The following FBXL7 variants were observed in gnomAD, a reference collection of about 807,000 sequenced individuals.
The protein encoded by FBXL7 is F-box/LRR-repeat protein 7.
FBXL7 carries 12 observed loss-of-function variants against 38.3 expected under a neutral mutation model. The observed-to-expected ratio is 0.31, with a 90% CI of 0.20 to 0.51. The LOEUF is 0.51. Among genes scored for constraint, FBXL7 ranks in the 20% least tolerant of loss-of-function variants. The pLI is 0.98. For missense variants in FBXL7, 567 were observed against 676.4 expected (o/e 0.84, Z 1.79); for synonymous variants, 297 against 300.9 (o/e 0.99, Z 0.13).
intron 2 of FBXL7, among the ~76,000 whole-genome samples, chr5:15,630,936 G>A (rs1003938480): frequency 1.6e-4 from 24 of 151,970 alleles, no homozygotes; most frequent in African/African-American, 5.5e-4. Flanking sequence ...CCTACCTCCT[G>A]TGTTTTTTGT....
chr5:15,853,024 C>A (rs1449397879), intron 2 of FBXL7, among the ~76,000 whole-genome samples: 1 of 152,190 alleles, frequency 6.6e-6, no homozygotes, highest in Non-Finnish European at 1.5e-5. Flanking sequence ...TTATTTAATC[C>A]TCTTCTCTAT....
intron 2 of FBXL7, among the ~76,000 whole-genome samples, chr5:15,641,813 C>T (rs540099828): frequency 2.6e-5 from 4 of 152,250 alleles, no homozygotes; most frequent in South Asian, 4.1e-4. Context: ...CTGGAATTTA[C>T]GCCATCAGCT....
chr5:15,536,629 A>C (rs1737594193), intron 1 of FBXL7, among the ~76,000 whole-genome samples: 1 of 152,140 alleles, frequency 6.6e-6, no homozygotes, highest in Non-Finnish European at 1.5e-5. Flanking sequence ...GCATCTAACC[A>C]ATGCCTGTAC....
intron 2 of FBXL7, among the ~76,000 whole-genome samples, chr5:15,860,863 T>C (rs72736129): frequency 0.1 from 15,787 of 152,216 alleles, 1,072 homozygotes; most frequent in Middle Eastern, 0.19. Flanking sequence ...ATTATATACT[T>C]AGAGAAGCTA....
At chr5:15,786,693 T>C (rs1737140848) in intron 2 of FBXL7, among the ~76,000 whole-genome samples, 1 of 152,210 alleles carries the variant, frequency 6.6e-6, no homozygotes, top group South Asian at 2.1e-4. Context: ...CTCAAAGGTA[T>C]TATTTGATTA....
At chr5:15,770,257 C>T (rs1736693360) in intron 2 of FBXL7, among the ~76,000 whole-genome samples, 5 of 152,168 alleles carry the variant, frequency 3.3e-5, no homozygotes, top group African/African-American at 9.7e-5. Flanking sequence ...CCAGTGTGCC[C>T]AGCCTGGGTG....
Position 15,787,677 on chromosome 5 carries a change from A to G in FBXL7, c.128-140213A>G, listed in dbSNP as rs144161949. Among the ~76,000 whole-genome samples the G allele has an allele frequency of 1.0e-3, 154 of 152,332 alleles. No individual in the cohort carries two copies. The Middle Eastern group carries it at 0.024, about 24-fold the overall frequency. On this transcript the variant is annotated intron_variant, in intron 2 of 3. Coordinates refer to ENST00000504595, the MANE Select transcript of FBXL7 (RefSeq NM_012304.5). ...TCCATCTTCCTCCATCTAAAATTAC[A>G]TTTAAGAGATGGGTTCCTGAGGAAT... is the stretch of plus-strand genomic sequence containing the variant.
chr5:15,747,697 C>T (rs951510220), intron 2 of FBXL7, among the ~76,000 whole-genome samples: 6 of 152,168 alleles, frequency 3.9e-5, no homozygotes, highest in South Asian at 4.1e-4. Flanking sequence ...TGCACACATA[C>T]GGACCCAACA....
chr5:15,806,302 G>C lies in FBXL7; in HGVS notation c.128-121588G>C, dbSNP rs1018992580. On this transcript the variant is annotated intron_variant, in intron 2 of 3. Transcript: ENST00000504595. ...AAGTAGAAAAGTTAACTCCCCAAAT[G>C]CTAGCACTTAGTGCATTAATTTGTG... Among the ~76,000 whole-genome samples, 6 of 152,000 alleles carry C rather than the reference G, an allele frequency of 3.9e-5. No homozygotes were observed. The South Asian group carries it at 1.2e-3, about 32-fold the overall frequency.
At chr5:15,782,631 G>C (rs184284201) in intron 2 of FBXL7, among the ~76,000 whole-genome samples, 1 of 152,262 alleles carries the variant, frequency 6.6e-6, no homozygotes. Flanking sequence ...GGAGCTTAAA[G>C]ATGGTGTTTC....
intron 1 of FBXL7, among the ~76,000 whole-genome samples, chr5:15,595,383 G>A (rs1393884535): frequency 2.0e-5 from 3 of 152,144 alleles, no homozygotes; most frequent in Admixed American, 6.6e-5. Context: ...TGCATGTGAC[G>A]AGTGTGGGGA....
intron 1 of FBXL7, among the ~76,000 whole-genome samples, chr5:15,553,167 T>C (rs1340048109): frequency 2.0e-5 from 3 of 152,106 alleles, no homozygotes; most frequent in Non-Finnish European, 4.4e-5. Context: ...CCCTGCTCAT[T>C]TGGACCCCAG....
At chr5:15,611,206 G>A (rs745856996) in intron 1 of FBXL7, among the ~76,000 whole-genome samples, 12 of 151,922 alleles carry the variant, frequency 7.9e-5, no homozygotes, top group African/African-American at 2.2e-4. Context: ...TTTGGGTTGC[G>A]CAACACACAC....
chr5:15,583,165 G>A (rs1291817629), intron 1 of FBXL7, among the ~76,000 whole-genome samples: 1 of 152,100 alleles, frequency 6.6e-6, no homozygotes, highest in African/African-American at 2.4e-5. Flanking sequence ...AAAAACATCA[G>A]ATCTTACGAG....
At chr5:15,917,497 A>G (rs1741612838) in intron 2 of FBXL7, among the ~76,000 whole-genome samples, 2 of 152,116 alleles carry the variant, frequency 1.3e-5, no homozygotes, top group South Asian at 2.1e-4. Context: ...AGTTCCATCT[A>G]CTCGGGAGGC....
intron 2 of FBXL7, among the ~76,000 whole-genome samples, chr5:15,870,465 G>C (rs1186385718): frequency 2.0e-5 from 3 of 152,122 alleles, no homozygotes; most frequent in African/African-American, 7.2e-5. Context: ...TGTGGCAGTA[G>C]AGAGGATGAG....
intron 1 of FBXL7, among the ~76,000 whole-genome samples, chr5:15,509,282 A>C: frequency 6.6e-6 from 1 of 151,528 alleles, no homozygotes; most frequent in East Asian, 1.9e-4. Flanking sequence ...CTTTTTTTTT[A>C]TTCCTGCTAT....
At chr5:15,779,523 A>G (rs1736939615) in intron 2 of FBXL7, among the ~76,000 whole-genome samples, 1 of 152,190 alleles carries the variant, frequency 6.6e-6, no homozygotes, top group East Asian at 1.9e-4. Flanking sequence ...GAAAAGAGTG[A>G]CTTAGCAGCA....
chr5:15,881,391 A>G (rs1222106386), intron 2 of FBXL7, among the ~76,000 whole-genome samples: 4 of 152,178 alleles, frequency 2.6e-5, no homozygotes, highest in Non-Finnish European at 4.4e-5. Context: ...ATTTTGTGGT[A>G]TATTTATACC....
Sources: allele counts gnomAD v4.1 joint callset (sites outside exome capture counted in the v4.1 genomes callset), GRCh38; gene constraint gnomAD v4.1.1; transcripts MANE v1.5; gene names NCBI Gene and HGNC (gene_info 2026-07-23, HGNC 2026-07-21).